Variants in ADAMTSL1 observed in about 807,000 individuals in gnomAD.
ADAMTSL1 encodes ADAMTS-like protein 1.
A neutral mutation model predicts 201.8 loss-of-function variants in ADAMTSL1; 126 were observed. That is an observed-to-expected ratio of 0.62 (90% CI 0.54 to 0.72). ADAMTSL1 has a LOEUF of 0.72. ADAMTSL1 is among the 30% of genes least tolerant of loss of function. The probability of loss-of-function intolerance (pLI) is 0.00; values close to 1 mark genes in which losing one functional copy is unlikely to be tolerated. For missense variants in ADAMTSL1, 2,679 were observed against 2,277.8 expected (o/e 1.18, Z -3.59); for synonymous variants, 1,121 against 903.4 (o/e 1.24, Z -4.32).
chr9:18,166,332 C>G (rs887009584), intron 2 of ADAMTSL1, among the ~76,000 whole-genome samples: 6 of 151,848 alleles, frequency 4.0e-5, no homozygotes, highest in African/African-American at 1.5e-4. Context: ...ACCCACCATG[C>G]CTATCCTCTA....
chr9:18,027,956 A>C (rs1194747281), intron 1 of ADAMTSL1, among the ~76,000 whole-genome samples: 1 of 152,026 alleles, frequency 6.6e-6, no homozygotes, highest in Non-Finnish European at 1.5e-5. Context: ...ACCATTTATC[A>C]CTATGTAATG....
At chr9:18,888,129 T>A (rs1829019651) in intron 24 of ADAMTSL1, 86 bp downstream of exon 24, 1 of 1,387,924 alleles carries the variant, frequency 7.2e-7, no homozygotes, top group East Asian at 2.4e-5. Context: ...CAAAGAGATT[T>A]CTGATCTCCA....
chr9:18,480,064 G>T (rs957137462), intron 1 of ADAMTSL1, among the ~76,000 whole-genome samples: 8 of 152,092 alleles, frequency 5.3e-5, no homozygotes, highest in African/African-American at 1.9e-4. Context: ...TATCCATTTA[G>T]TTCTCAAATA....
intron 1 of ADAMTSL1, among the ~76,000 whole-genome samples, chr9:18,019,808 C>A (rs1320339328): frequency 6.6e-6 from 1 of 151,988 alleles, no homozygotes; most frequent in African/African-American, 2.4e-5. Context: ...AGTTACCTTT[C>A]ATTATAAAAA....
intron 1 of ADAMTSL1, among the ~76,000 whole-genome samples, chr9:18,009,841 G>A (rs1451306642): frequency 6.6e-6 from 1 of 151,976 alleles, no homozygotes; most frequent in African/African-American, 2.4e-5. Context: ...CTTGTTCTTA[G>A]GATCCAGGCT....
intron 2 of ADAMTSL1, among the ~76,000 whole-genome samples, chr9:18,396,747 C>T (rs1817769532): frequency 6.6e-6 from 1 of 152,056 alleles, no homozygotes; most frequent in Non-Finnish European, 1.5e-5. Flanking sequence ...TAACCACTCA[C>T]ATTTTTAAAC....
chr9:18,689,855 T>C (rs1277966863), intron 13 of ADAMTSL1, among the ~76,000 whole-genome samples: 1 of 152,252 alleles, frequency 6.6e-6, no homozygotes, highest in Non-Finnish European at 1.5e-5. Flanking sequence ...GCCTTGATCT[T>C]GCTTTTTAAA....
intron 1 of ADAMTSL1, among the ~76,000 whole-genome samples, chr9:17,963,607 A>C (rs1329916): frequency 0.58 from 88,822 of 151,956 alleles, 26,717 homozygotes; most frequent in East Asian, 0.92. Flanking sequence ...CTAAAAGGAT[A>C]GACATTCAAT....
intron 1 of ADAMTSL1, among the ~76,000 whole-genome samples, chr9:18,093,981 C>T (rs1159356162): frequency 6.6e-6 from 1 of 152,120 alleles, no homozygotes; most frequent in Non-Finnish European, 1.5e-5. Context: ...AAGTAAGAGG[C>T]TCCCAGGCGG....
intron 20 of ADAMTSL1, among the ~76,000 whole-genome samples, chr9:18,813,583 G>A (rs190577258): frequency 1.5e-3 from 226 of 152,200 alleles, no homozygotes; most frequent in African/African-American, 5.2e-3. Flanking sequence ...TGTAGCTATT[G>A]TAAATGGGAT....
intron 3 of ADAMTSL1, among the ~76,000 whole-genome samples, chr9:18,541,129 A>G (rs912570122): frequency 6.6e-6 from 1 of 152,200 alleles, no homozygotes; most frequent in African/African-American, 2.4e-5. Flanking sequence ...CTTGATTTGT[A>G]CACTGATACA....
At chr9:18,492,117 C>T (rs185321700) in intron 1 of ADAMTSL1, among the ~76,000 whole-genome samples, 346 of 152,172 alleles carry the variant, frequency 2.3e-3, no homozygotes, top group Non-Finnish European at 2.6e-3. Flanking sequence ...TTTTAAAAAA[C>T]TAAGTTACAC....
chr9:18,842,594 A>T lies in ADAMTSL1; in HGVS notation c.4249+12617A>T, dbSNP rs192269054. On this transcript the variant is annotated intron_variant, in intron 23 of 28. Coordinates refer to ENST00000380548, the MANE Select transcript of ADAMTSL1 (RefSeq NM_001040272.6). ...CTGAGTTCAATTCCTGGGTATCCTT[A>T]TTAACTTTCTGTCTTGTTGATCTGT... Among the ~76,000 whole-genome samples the T allele has an allele frequency of 6.9e-3, 1,050 of 152,202 alleles. 8 individuals carry two copies. Among genetic ancestry groups the T allele is most frequent in the African/African-American group, 0.019 (776 of 41,540 alleles).
In ADAMTSL1 at chr9:18,560,147, T is replaced by G. The variant is rs201597293; in HGVS notation, c.238-13883T>G. Among the ~76,000 whole-genome samples the G allele has an allele frequency of 6.0e-4, 91 of 152,168 alleles. 1 individual carries two copies. In the South Asian group the frequency reaches 0.019, roughly 32 times the overall value. ...TCAGTATGATATTGGCTGTGGGTTTTTCATAAATAACTCTTATTATTTTGA... is the reference window on the plus strand; with the variant it reads ...TCAGTATGATATTGGCTGTGGGTTTGTCATAAATAACTCTTATTATTTTGA... On this transcript the variant is annotated intron_variant, in intron 3 of 28. Transcript: ENST00000380548.
chr9:18,626,251 G>GA (rs1336146414), intron 5 of ADAMTSL1, among the ~76,000 whole-genome samples: 10 of 152,116 alleles, frequency 6.6e-5, no homozygotes, highest in African/African-American at 2.2e-4. Context: ...AGGAGCCATG[G>GA]AAAAAACAAA....
chr9:18,888,544 A>G (rs544022800), intron 24 of ADAMTSL1, among the ~76,000 whole-genome samples: 41 of 152,330 alleles, frequency 2.7e-4, no homozygotes, highest in African/African-American at 7.2e-4. Flanking sequence ...CAGACTGCGA[A>G]GCCCACATGG....
chr9:18,797,587 T>C (rs1822506334), intron 20 of ADAMTSL1, among the ~76,000 whole-genome samples: 1 of 152,136 alleles, frequency 6.6e-6, no homozygotes, highest in Non-Finnish European at 1.5e-5. Flanking sequence ...TAAGATATAA[T>C]CTGAACATAA....
At position 18,883,108 on chromosome 9, in the gene ADAMTSL1, A is replaced by T. The variant is rs1292230892; in HGVS notation, c.4250-4723A>T. The stretch of plus-strand genomic sequence containing the variant: ...ATTGGCCAAGTGGAAAAGCTGGAAG[A>T]TACCTCTCCCTAAATGTATCAGTTA... On this transcript the variant is annotated intron_variant, in intron 23 of 28. Coordinates refer to ENST00000380548, the MANE Select transcript of ADAMTSL1 (RefSeq NM_001040272.6). 2.0e-5 allele frequency among the ~76,000 whole-genome samples: 3 copies of T among 152,164 alleles called. No individual in the cohort carries two copies. The East Asian group carries it at 5.8e-4, about 29-fold the overall frequency.
intron 1 of ADAMTSL1, among the ~76,000 whole-genome samples, chr9:18,140,591 C>T (rs1426662701): frequency 6.6e-6 from 1 of 152,138 alleles, no homozygotes; most frequent in African/African-American, 2.4e-5. Flanking sequence ...TAGCACATAC[C>T]AAAATTCTAG....
Sources: allele counts gnomAD v4.1 joint callset (sites outside exome capture counted in the v4.1 genomes callset), GRCh38; gene constraint gnomAD v4.1.1; transcripts MANE v1.5; gene names NCBI Gene and HGNC (gene_info 2026-07-23, HGNC 2026-07-21).